The following ARHGAP33 variants were observed in gnomAD, a reference collection of about 807,000 sequenced individuals.
ARHGAP33 encodes the protein rho GTPase-activating protein 33.
Under a neutral mutation model 126.2 loss-of-function variants are expected in ARHGAP33, and 57 were observed. That is an observed-to-expected ratio of 0.45 (90% confidence interval 0.36 to 0.56). ARHGAP33 has a LOEUF of 0.56. ARHGAP33 is among the 20% of genes least tolerant of loss of function. ARHGAP33 has a pLI of 0.00. For missense variants in ARHGAP33, 1,500 were observed against 1,748.3 expected (o/e 0.86, Z 2.53); for synonymous variants, 711 against 755.0 (o/e 0.94, Z 0.95).
Position 35,787,620 on chromosome 19 carries a change from T to A in ARHGAP33, c.3055T>A (p.Ser1019Thr). The part of the protein sequence containing the change: ...GRDAPEAAAQ[S>T]PCSVPSQVPT... ...GGATGCGCCAGAGGCAGCAGCCCAGTCCCCATGTTCTGTCCCCTCACAGGT... is the reference window on the plus strand; with the variant it reads ...GGATGCGCCAGAGGCAGCAGCCCAGACCCCATGTTCTGTCCCCTCACAGGT... The change falls in exon 21 of 21, where the codon TCC becomes ACC. Residue 1019 changes from serine (S) to threonine (T), a missense_variant. By Grantham distance (58) the Ser-to-Thr change is moderately conservative. Around this residue, in one of 6 missense-constraint regions of ARHGAP33, gnomAD observed 642 missense variants for 634.0 expected, o/e 1.01. Transcript: ENST00000007510. The A allele has an allele frequency of 6.2e-7, 1 of 1,600,194 alleles. No homozygotes were observed. The highest frequency in any genetic ancestry group is 8.5e-7 in the Non-Finnish European group (1 of 1,175,924).
At position 35,788,181 on chromosome 19, in the gene ARHGAP33, C is replaced by G; in HGVS notation, c.3616C>G (p.Leu1206Val). ...RSDPGPPVPR[L>V]PQKQRAPWGP... ...AGATCCCGGTCCCCCAGTCCCCCGC[C>G]TTCCCCAGAAACAACGGGCACCCTG... The change falls in exon 21 of 21, where the codon CTT (leucine) becomes GTT (valine). Residue 1206 changes from leucine (L) to valine (V), a missense_variant. Transcript: ENST00000007510. The G allele has an allele frequency of 6.2e-7, 1 of 1,608,908 alleles. No homozygotes were observed.
At position 35,779,256 on chromosome 19, in the gene ARHGAP33, G is replaced by A. The variant is rs941973076; in HGVS notation, c.501+132G>A. 7.5e-6 allele frequency: 5 copies of A among 669,144 alleles called. No homozygotes were observed. In the Admixed American group the frequency reaches 1.1e-4, roughly 15 times the overall value. The allele number at this position is 669,144 out of a possible 1,614,324, so 41.5% of individuals were successfully genotyped here. On this transcript the variant is annotated intron_variant, in intron 6 of 20. Transcript: ENST00000007510. ...GTGGAGGAGGCGTTGATATTTTAGTGTCTGTGTGGGCGCATGCCTGTGAGA... is the reference window on the plus strand; with the variant it reads ...GTGGAGGAGGCGTTGATATTTTAGTATCTGTGTGGGCGCATGCCTGTGAGA...
At chr19:35,784,046 T>G in intron 15 of ARHGAP33, 126 bp from the exon 16 acceptor site, 1 of 718,184 alleles carries the variant, frequency 1.4e-6, no homozygotes. Flanking sequence ...CAGCGAGGCG[T>G]GATCAGTTTG....
In ARHGAP33 at chr19:35,781,234, C is replaced by G; in HGVS notation, c.1067C>G (p.Ser356Cys). 3 of 1,614,138 alleles carry G rather than the reference C, an allele frequency of 1.9e-6. No individual in the cohort carries two copies. Among genetic ancestry groups the G allele is most frequent in the Admixed American group, 1.7e-5 (1 of 60,026 alleles). Residue 356 changes from serine to cysteine, a missense_variant, in exon 12 of 21, where the codon TCC becomes TGC. Transcript: ENST00000007510. ...DGIYRLSGVS[S>C]NIQRLRHEFD... The stretch of plus-strand genomic sequence containing the variant: ...ATCTACCGGCTCTCAGGCGTGTCTT[C>G]CAACATCCAGAGGCTTCGGTGAGGG...
intron 15 of ARHGAP33, among the ~76,000 whole-genome samples, chr19:35,783,253 G>A (rs1233457683): frequency 6.6e-6 from 1 of 152,198 alleles, no homozygotes; most frequent in Non-Finnish European, 1.5e-5. Context: ...TGGAGGATTT[G>A]ATGGTGAACG....
In ARHGAP33 at chr19:35,782,937, C is replaced by G. The variant is rs1332832780; in HGVS notation, c.1421+68C>G. On this transcript the variant is annotated intron_variant, in intron 15 of 20. Coordinates refer to ENST00000007510, the MANE Select transcript of ARHGAP33 (RefSeq NM_001366178.1). This position sits in a 1 kb window ranked among gnomAD's most constrained non-coding sequence, Gnocchi z 4.1. ...AAAACCACCCCAGGAACCCGCCCAG[C>G]TTTTCTTTTGTTTATTCATCGAATA... 2.2e-6 allele frequency: 3 copies of G among 1,382,532 alleles called. No individual in the cohort carries two copies. The highest frequency in any genetic ancestry group is 2.0e-6 in the Non-Finnish European group (2 of 1,002,258). 85.6% of individuals were successfully genotyped at this position (1,382,532 alleles called of 1,614,324 possible). A position where few individuals can be genotyped will look rare whatever the true frequency, so the allele number is the denominator to read the frequency against.
At chr19:35,781,285 A>C (rs1971761399) in intron 12 of ARHGAP33, 33 bp downstream of exon 12, 1 of 1,603,952 alleles carries the variant, frequency 6.2e-7, no homozygotes, top group South Asian at 1.1e-5. Context: ...GTCCTTCCAC[A>C]GGCACTCACC....
At chr19:35,785,739 A>G in intron 19 of ARHGAP33, 1 of 1,338,188 alleles carries the variant, frequency 7.5e-7, no homozygotes, top group Non-Finnish European at 9.6e-7. Flanking sequence ...AACATTTTAA[A>G]ATAATATCAT....
At chr19:35,783,828 T>A (rs1458947077) in intron 15 of ARHGAP33, among the ~76,000 whole-genome samples, 5 of 136,594 alleles carry the variant, frequency 3.7e-5, no homozygotes, top group Non-Finnish European at 6.3e-5. Context: ...TACTTTAGGG[T>A]GGGGACCGGA....
Position 35,787,368 on chromosome 19 carries a change from C to T in ARHGAP33, c.2803C>T (p.Leu935=). 6.2e-7 allele frequency: 1 copy of T among 1,609,916 alleles called. No homozygotes were observed. The change falls in exon 21 of 21, where the codon CTG becomes TTG. Residue 935 remains leucine, a synonymous_variant. Coordinates refer to ENST00000007510, the MANE Select transcript of ARHGAP33 (RefSeq NM_001366178.1). ...TTCCCAATCCCCCTTCCACCGCTCG[C>T]TGTCTCTGGAGGTGGGCGGGGAGCC... ...PASQSPFHRS[L]SLEVGGEPLG... is the part of the protein sequence containing the mutation.
chr19:35,778,622 GC>G (rs747177293), intron 5 of ARHGAP33, 21 bp downstream of exon 5: 1 of 1,608,234 alleles, frequency 6.2e-7, no homozygotes. Context: ...TGTTGTCTCA[GC>G]CCCTGCCTCA....
intron 15 of ARHGAP33, among the ~76,000 whole-genome samples, 166 bp from the exon 16 acceptor site, chr19:35,784,006 A>C (rs1038881953): frequency 3.1e-5 from 4 of 128,192 alleles, no homozygotes; most frequent in Non-Finnish European, 6.7e-5. Flanking sequence ...GGAAGGCAGG[A>C]GGGGCGGGTC....
In ARHGAP33 at chr19:35,777,652, G is replaced by T; in HGVS notation, c.14G>T (p.Ser5Ile). The T allele has an allele frequency of 6.4e-7, 1 of 1,571,840 alleles. No homozygotes were observed. Among genetic ancestry groups the T allele is most frequent in the Non-Finnish European group, 8.6e-7 (1 of 1,157,804 alleles). The change falls in exon 2 of 21, where the codon AGC becomes ATC. Residue 5 changes from serine (S) to isoleucine (I), a missense_variant. Ser to Ile is a moderately radical substitution (Grantham distance 142, BLOSUM62 -2). This residue lies in a region of ARHGAP33 where 129 missense variants were observed against 145.9 expected (regional missense o/e 0.88). Transcript: ENST00000007510. MVAR[S>I]TDSLDGPGEG... ...ATTCTTTCTGCTCTACAGGCACGCAGCACTGACAGCCTGGATGGCCCAGGG... is the reference window on the plus strand; with the variant it reads ...ATTCTTTCTGCTCTACAGGCACGCATCACTGACAGCCTGGATGGCCCAGGG...
chr19:35,780,669 G>C, intron 9 of ARHGAP33, 21 bp downstream of exon 9: 1 of 1,610,430 alleles, frequency 6.2e-7, no homozygotes, highest in Non-Finnish European at 8.5e-7. Flanking sequence ...TGGATGGATG[G>C]GAGGTGTGGG....
chr19:35,782,378 A>C lies in ARHGAP33; in HGVS notation c.1091A>C (p.Glu364Ala). ...VSSNIQRLRH[E>A]FDSERIPELS... The stretch of plus-strand genomic sequence containing the variant: ...CCTTGACACGGTGGTCTCAGGCACG[A>C]GTTTGACAGTGAGAGGATCCCGGAG... The change falls in exon 13 of 21, where the codon GAG becomes GCG. Residue 364 changes from glutamate to alanine, a missense_variant. Coordinates refer to ENST00000007510, the MANE Select transcript of ARHGAP33 (RefSeq NM_001366178.1). This position sits in a 1 kb window ranked among gnomAD's most constrained non-coding sequence, Gnocchi z 4.1. The C allele has an allele frequency of 1.9e-6, 3 of 1,601,912 alleles. No individual in the cohort carries two copies. Among genetic ancestry groups the C allele is most frequent in the Non-Finnish European group, 2.6e-6 (3 of 1,170,064 alleles).
chr19:35,784,825 C>A, intron 16 of ARHGAP33, 128 bp from the exon 17 acceptor site: 8 of 1,400,322 alleles, frequency 5.7e-6, no homozygotes, highest in Non-Finnish European at 6.5e-6. Flanking sequence ...CTGATCCGCC[C>A]CGGCCCCCTG....
intron 6 of ARHGAP33, 174 bp downstream of exon 6, chr19:35,779,298 G>C: frequency 1.7e-6 from 1 of 573,432 alleles, no homozygotes; most frequent in Non-Finnish European, 3.1e-6. Flanking sequence ...GTGTGAGCAT[G>C]TGTGTGTGTG....
At position 35,788,141 on chromosome 19, in the gene ARHGAP33, C is replaced by T. The variant is rs755247640; in HGVS notation, c.3576C>T (p.His1192=). ...CCTCCTCCTCTTCCCCTCCTGCCCA[C>T]CCCCGAAGCCGTTCAGATCCCGGTC... ...ASSSSSSPPA[H]PRSRSDPGPP... The change falls in exon 21 of 21, where the codon CAC becomes CAT. Residue 1192 remains histidine, a synonymous_variant. Coordinates refer to ENST00000007510, the MANE Select transcript of ARHGAP33 (RefSeq NM_001366178.1). 19 of 1,610,070 alleles carry T rather than the reference C, an allele frequency of 1.2e-5. No homozygotes were observed. The African/African-American group carries it at 2.3e-4, about 19-fold the overall frequency.
At position 35,778,565 on chromosome 19, in the gene ARHGAP33, G is replaced by A; in HGVS notation, c.372G>A (p.Glu124=). 1.2e-6 allele frequency: 2 copies of A among 1,614,104 alleles called. No homozygotes were observed. The highest frequency in any genetic ancestry group is 1.7e-6 in the Non-Finnish European group (2 of 1,180,018). ...IFDRRFSCLP[E]LPPPPEGARA... is the part of the protein sequence containing the mutation. ...ACCGGAGGTTCTCCTGCCTTCCGGA[G>A]CTTCCCCCGCCCCCCGAGGGTGCCA... is the stretch of plus-strand genomic sequence containing the variant. The change falls in exon 5 of 21, where the codon GAG becomes GAA. Residue 124 remains glutamate, a synonymous_variant. Coordinates refer to ENST00000007510, the MANE Select transcript of ARHGAP33 (RefSeq NM_001366178.1).
Sources: allele counts gnomAD v4.1 joint callset (sites outside exome capture counted in the v4.1 genomes callset), GRCh38; gene constraint gnomAD v4.1.1; regional missense constraint gnomAD v4.1.1; non-coding constraint Gnocchi (gnomAD v3.1); transcripts MANE v1.5; gene names NCBI Gene and HGNC (gene_info 2026-07-23, HGNC 2026-07-21).